SPOCK1: variants seen among roughly 807,000 people sequenced by gnomAD.
SPOCK1 encodes the protein testican-1.
A neutral mutation model predicts 55.3 loss-of-function variants in SPOCK1; 23 were observed. That is an observed-to-expected ratio of 0.42 (90% confidence interval 0.30 to 0.59). SPOCK1 has a LOEUF of 0.59. Ranked by LOEUF, SPOCK1 falls within the 20% of genes least tolerant of loss-of-function variation. The probability of loss-of-function intolerance (pLI) is 0.22; values close to 1 mark genes in which losing one functional copy is unlikely to be tolerated. For missense variants in SPOCK1, 499 were observed against 552.5 expected (o/e 0.90, Z 0.97); for synonymous variants, 226 against 221.0 (o/e 1.02, Z -0.20).
chr5:137,218,877 G>A (rs753829480), intron 3 of SPOCK1, among the ~76,000 whole-genome samples: 1 of 152,116 alleles, frequency 6.6e-6, no homozygotes, highest in Non-Finnish European at 1.5e-5. Context: ...GGGCAGAGGC[G>A]GCATGGTGAT....
intron 2 of SPOCK1, among the ~76,000 whole-genome samples, chr5:137,424,745 A>C (rs1407841454): frequency 6.6e-6 from 1 of 152,252 alleles, no homozygotes; most frequent in Non-Finnish European, 1.5e-5. Flanking sequence ...CAGACACTAA[A>C]GATTAAATAC....
intron 9 of SPOCK1, among the ~76,000 whole-genome samples, chr5:136,979,795 C>T (rs1035143370): frequency 2.6e-5 from 4 of 152,130 alleles, no homozygotes; most frequent in African/African-American, 9.6e-5. Context: ...CTCTTATTCC[C>T]ACAACTCTAA....
chr5:136,985,256 A>AAGG, intron 8 of SPOCK1, 54 bp from the exon 9 acceptor site: 1 of 1,486,066 alleles, frequency 6.7e-7, no homozygotes, highest in South Asian at 1.1e-5. Flanking sequence ...TATAATCGCT[A>AAGG]ATGATTGACT....
chr5:137,498,541 C>T lies in SPOCK1; in HGVS notation c.18G>A (p.Val6=). 6.5e-7 allele frequency: 1 copy of T among 1,533,154 alleles called. No individual in the cohort carries two copies. The highest frequency in any genetic ancestry group is 8.7e-7 in the Non-Finnish European group (1 of 1,146,630). 95.0% of individuals were successfully genotyped at this position (1,533,154 alleles called of 1,614,324 possible). A position where few individuals can be genotyped will look rare whatever the true frequency, so the allele number is the denominator to read the frequency against. MPAIA[V]LAAAAAAWCF... The stretch of plus-strand genomic sequence containing the variant: ...ACCACGCCGCGGCGGCCGCCGCCAA[C>T]ACCGCGATCGCCGGCATCTGCGGGG... The change falls in exon 2 of 11, where the codon GTG becomes GTA. Residue 6 remains valine (V), a synonymous_variant. Transcript: ENST00000394945.
chr5:136,994,139 T>A (rs904408654), intron 6 of SPOCK1, among the ~76,000 whole-genome samples: 1 of 152,174 alleles, frequency 6.6e-6, no homozygotes, highest in Admixed American at 6.5e-5. Flanking sequence ...CGACGCTGCC[T>A]TCTGTCCAGG....
intron 6 of SPOCK1, among the ~76,000 whole-genome samples, chr5:137,030,002 C>T (rs1049236431): frequency 6.6e-6 from 1 of 152,214 alleles, no homozygotes; most frequent in Non-Finnish European, 1.5e-5. Context: ...TCTGCTATTT[C>T]ATGAAAGCAT....
intron 2 of SPOCK1, among the ~76,000 whole-genome samples, chr5:137,412,732 T>C (rs939896510): frequency 2.6e-5 from 4 of 152,222 alleles, no homozygotes; most frequent in Non-Finnish European, 5.9e-5. Flanking sequence ...AGGCAGGGAC[T>C]GTGTTGCCCT....
At chr5:137,433,408 G>T (rs1752790990) in intron 2 of SPOCK1, among the ~76,000 whole-genome samples, 1 of 152,152 alleles carries the variant, frequency 6.6e-6, no homozygotes, top group African/African-American at 2.4e-5. Flanking sequence ...AGATGTGTTT[G>T]CATCCACAGC....
intron 3 of SPOCK1, among the ~76,000 whole-genome samples, chr5:137,258,444 G>A (rs992272991): frequency 6.6e-5 from 10 of 152,236 alleles, no homozygotes; most frequent in African/African-American, 2.4e-4. Context: ...GGTGATGCCT[G>A]CAGGTTTTTC....
chr5:137,289,785 C>A (rs1348441584), intron 2 of SPOCK1, among the ~76,000 whole-genome samples: 3 of 152,134 alleles, frequency 2.0e-5, no homozygotes, highest in Non-Finnish European at 4.4e-5. Context: ...TTAAAACCAA[C>A]AAATGGCTTG....
chr5:137,364,405 C>G (rs187920644), intron 2 of SPOCK1, among the ~76,000 whole-genome samples: 1 of 152,244 alleles, frequency 6.6e-6, no homozygotes, highest in East Asian at 1.9e-4. Context: ...GCTAAGTGAC[C>G]TGATAGAAGA....
chr5:137,289,739 C>T (rs1488573436), intron 2 of SPOCK1, among the ~76,000 whole-genome samples: 3 of 152,074 alleles, frequency 2.0e-5, no homozygotes, highest in African/African-American at 7.2e-5. Flanking sequence ...AGTGAAAAGC[C>T]AAGCCACATA....
chr5:137,143,005 G>A (rs747323214), intron 3 of SPOCK1, among the ~76,000 whole-genome samples: 9 of 152,268 alleles, frequency 5.9e-5, no homozygotes, highest in South Asian at 2.1e-4. Flanking sequence ...ATCCAATGGC[G>A]TTTCTGCTGC....
intron 5 of SPOCK1, among the ~76,000 whole-genome samples, chr5:137,097,148 G>A (rs1280584728): frequency 6.6e-6 from 1 of 152,226 alleles, no homozygotes; most frequent in Non-Finnish European, 1.5e-5. Flanking sequence ...ACAGGGAGGA[G>A]CTGGAGTATG....
At chr5:137,432,510 CAG>C (rs1491316102) in intron 2 of SPOCK1, among the ~76,000 whole-genome samples, 1 of 152,158 alleles carries the variant, frequency 6.6e-6, no homozygotes, top group Non-Finnish European at 1.5e-5. Flanking sequence ...CACACAAAGA[CAG>C]ATGCTGTTAG....
chr5:137,236,972 G>A (rs996970788), intron 3 of SPOCK1, among the ~76,000 whole-genome samples: 3 of 152,166 alleles, frequency 2.0e-5, no homozygotes, highest in Non-Finnish European at 2.9e-5. Flanking sequence ...GAGGACCAAC[G>A]CAGGGATGAG....
chr5:137,189,122 C>T (rs570849058), intron 3 of SPOCK1, among the ~76,000 whole-genome samples: 1 of 152,316 alleles, frequency 6.6e-6, no homozygotes, highest in Admixed American at 6.5e-5. Context: ...CTCCATAACA[C>T]AAAAGTGCAA....
At chr5:137,127,586 A>C (rs1314197782) in intron 4 of SPOCK1, among the ~76,000 whole-genome samples, 1 of 152,278 alleles carries the variant, frequency 6.6e-6, no homozygotes, top group African/African-American at 2.4e-5. Context: ...GAAGGGCAGA[A>C]TATAAAGTCA....
intron 2 of SPOCK1, among the ~76,000 whole-genome samples, chr5:137,459,019 C>A (rs1753424252): frequency 6.6e-6 from 1 of 152,144 alleles, no homozygotes; most frequent in African/African-American, 2.4e-5. Context: ...AGTGAAGGTG[C>A]ACACACAATT....
Sources: gnomAD v4.1 joint callset for allele counts (sites outside exome capture counted in the v4.1 genomes callset) on GRCh38, gnomAD v4.1.1 for gene constraint, MANE v1.5 for transcripts, NCBI Gene and HGNC (gene_info 2026-07-23, HGNC 2026-07-21) for gene names.